SNX29: variants seen among roughly 807,000 people sequenced by gnomAD.
SNX29 encodes the protein sorting nexin-29.
SNX29 carries 78 observed loss-of-function variants against 102.1 expected under a neutral mutation model. The observed-to-expected ratio is 0.76, with a 90% CI of 0.64 to 0.92. The LOEUF (loss-of-function observed/expected upper bound fraction) is 0.92, where lower values mean the gene tolerates loss of function less well. Ranked by LOEUF, SNX29 falls within the 40% of genes least tolerant of loss-of-function variation. SNX29 has a pLI of 0.00. For synonymous variants in SNX29, 580 were observed against 414.5 expected (o/e 1.40, Z -4.85); for missense variants, 1,280 against 1,061.7 (o/e 1.21, Z -2.86).
intron 20 of SNX29, among the ~76,000 whole-genome samples, chr16:12,535,395 C>G (rs1056041205): frequency 4.6e-5 from 7 of 152,222 alleles, no homozygotes; most frequent in African/African-American, 1.7e-4. Flanking sequence ...CTCGGCCTCC[C>G]AAAGTGCTGG....
intron 10 of SNX29, among the ~76,000 whole-genome samples, chr16:12,075,148 CCTT>C (rs2051489830): frequency 6.6e-6 from 1 of 152,214 alleles, no homozygotes; most frequent in East Asian, 1.9e-4. Flanking sequence ...TCATCTGAAG[CCTT>C]CTTCTCTCAA....
chr16:12,157,992 A>C (rs932781518), intron 13 of SNX29, among the ~76,000 whole-genome samples: 5 of 152,014 alleles, frequency 3.3e-5, no homozygotes, highest in Non-Finnish European at 7.4e-5. Flanking sequence ...ATTATAATTC[A>C]CATTACATCA....
chr16:12,537,658 C>G (rs959961630), intron 20 of SNX29, among the ~76,000 whole-genome samples: 4 of 152,162 alleles, frequency 2.6e-5, no homozygotes, highest in Non-Finnish European at 5.9e-5. Context: ...GTTGTTTGCC[C>G]TACTTCATGT....
chr16:12,042,559 T>C (rs919607919), intron 4 of SNX29, among the ~76,000 whole-genome samples: 2 of 152,192 alleles, frequency 1.3e-5, no homozygotes, highest in African/African-American at 2.4e-5. Context: ...GAGCTTCCAT[T>C]TATAAGTGAG....
In SNX29 at chr16:12,068,985, T is replaced by C. The variant is rs984573428; in HGVS notation, c.1244-72T>C. 1.8e-5 allele frequency: 25 copies of C among 1,427,740 alleles called. No homozygotes were observed. In the African/African-American group the frequency reaches 2.6e-4, roughly 15 times the overall value. 88.4% of individuals were successfully genotyped at this position (1,427,740 alleles called of 1,614,324 possible). A position where few individuals can be genotyped will look rare whatever the true frequency, so the allele number is the denominator to read the frequency against. On this transcript the variant is annotated intron_variant, in intron 9 of 20. Coordinates refer to ENST00000566228, the MANE Select transcript of SNX29 (RefSeq NM_032167.5). The stretch of plus-strand genomic sequence containing the variant: ...TGTAGCAGATGAGCCAATGTCTGCA[T>C]TGTGTCTTTGTCTTATGGAGAACAT...
At chr16:12,110,090 G>C (rs941664231) in intron 11 of SNX29, among the ~76,000 whole-genome samples, 1 of 152,090 alleles carries the variant, frequency 6.6e-6, no homozygotes, top group Non-Finnish European at 1.5e-5. Flanking sequence ...AAGTGAATAC[G>C]GAGGCTCCGA....
rs1192795717 is a variant in SNX29 at position 12,571,829 on chromosome 16, C to G, written c.*3200C>G. On this transcript the variant is annotated 3_prime_UTR_variant, in exon 21 of 21. Coordinates refer to ENST00000566228, the MANE Select transcript of SNX29 (RefSeq NM_032167.5). Reference sequence around the variant, plus strand: ...GAAATTCCAGCTTCTTTGATTCCCACTTAGCAGTATGCTCCAATCACGTTG... The same window carrying G: ...GAAATTCCAGCTTCTTTGATTCCCAGTTAGCAGTATGCTCCAATCACGTTG... The G allele has an allele frequency of 7.7e-6, 8 of 1,043,928 alleles. No individual in the cohort carries two copies. The African/African-American group carries it at 1.2e-4, about 15-fold the overall frequency. 64.7% of individuals were successfully genotyped at this position (1,043,928 alleles called of 1,614,324 possible). A position where few individuals can be genotyped will look rare whatever the true frequency, so the allele number is the denominator to read the frequency against.
intron 17 of SNX29, among the ~76,000 whole-genome samples, chr16:12,401,871 A>T (rs1280224221): frequency 6.6e-6 from 1 of 152,212 alleles, no homozygotes; most frequent in African/African-American, 2.4e-5. Context: ...TCACTTAAAC[A>T]ATCAATTTCT....
chr16:12,463,140 C>T (rs543682934), intron 18 of SNX29, among the ~76,000 whole-genome samples: 4 of 152,324 alleles, frequency 2.6e-5, no homozygotes, highest in Admixed American at 2.0e-4. Context: ...GCACTGCTGC[C>T]CGTCAGCGGT....
intron 16 of SNX29, among the ~76,000 whole-genome samples, chr16:12,384,514 A>G (rs57472888): frequency 0.1 from 15,884 of 152,224 alleles, 943 homozygotes; most frequent in South Asian, 0.25. Flanking sequence ...TTGTATGTCT[A>G]CTTTTGAGAA....
In SNX29 at chr16:12,013,500, AAT is replaced by A. The variant is rs66491414; in HGVS notation, c.122+10498_122+10499del. 4.4e-3 allele frequency among the ~76,000 whole-genome samples: 140 copies of A among 31,596 alleles called. 2 individuals are homozygous for A. The highest frequency in any genetic ancestry group is 5.1e-3 in the African/African-American group (52 of 10,198). 20.7% of individuals were successfully genotyped at this position (31,596 alleles called of 152,430 possible). A position where few individuals can be genotyped will look rare whatever the true frequency, so the allele number is the denominator to read the frequency against. On this transcript the variant is annotated intron_variant, in intron 3 of 20. Transcript: ENST00000566228. ...GTCTCTACTGGGGGAAAAAAAAAAA[AAT>A]ATATATATATATATATATATATATA... is the stretch of plus-strand genomic sequence containing the variant.
At chr16:12,554,551 T>G (rs1171476299) in intron 20 of SNX29, among the ~76,000 whole-genome samples, 1 of 152,184 alleles carries the variant, frequency 6.6e-6, no homozygotes, top group South Asian at 2.1e-4. Flanking sequence ...TTTGTGAACT[T>G]GTTCAACAAT....
At chr16:12,466,213 T>C (rs1312587603) in intron 18 of SNX29, among the ~76,000 whole-genome samples, 2 of 152,194 alleles carry the variant, frequency 1.3e-5, no homozygotes, top group African/African-American at 4.8e-5. Flanking sequence ...TTCTCTCTAT[T>C]TGCAGATGAT....
In SNX29 at chr16:12,219,911, C is replaced by T. The variant is rs151197691; in HGVS notation, c.1678+20228C>T. Among the ~76,000 whole-genome samples the T allele has an allele frequency of 2.0e-3, 300 of 152,326 alleles. 2 individuals carry two copies. Among genetic ancestry groups the T allele is most frequent in the Non-Finnish European group, 3.5e-3 (238 of 68,030 alleles). The stretch of plus-strand genomic sequence containing the variant: ...GATCCGGGTACCCCTCACTCCACAG[C>T]CCCCCAGCGCACACACGTGTACACA... On this transcript the variant is annotated intron_variant, in intron 14 of 20. Coordinates refer to ENST00000566228, the MANE Select transcript of SNX29 (RefSeq NM_032167.5).
chr16:12,305,931 C>A (rs951129359), intron 15 of SNX29, among the ~76,000 whole-genome samples: 2 of 152,084 alleles, frequency 1.3e-5, no homozygotes, highest in African/African-American at 4.8e-5. Context: ...GATTCTATTT[C>A]AACAAACTGC....
At chr16:12,026,409 G>A (rs1408228576) in intron 3 of SNX29, among the ~76,000 whole-genome samples, 3 of 152,230 alleles carry the variant, frequency 2.0e-5, no homozygotes, top group Non-Finnish European at 2.9e-5. Flanking sequence ...CATCTCCTCA[G>A]AGCCTAGAAC....
chr16:12,055,675 C>T (rs74446718), intron 8 of SNX29, among the ~76,000 whole-genome samples: 14 of 152,284 alleles, frequency 9.2e-5, no homozygotes, highest in Non-Finnish European at 1.9e-4. Context: ...ATTTCTTCTT[C>T]CTTTGGAAGG....
chr16:12,495,791 C>T (rs1037385709), intron 19 of SNX29, among the ~76,000 whole-genome samples: 2 of 152,108 alleles, frequency 1.3e-5, no homozygotes, highest in East Asian at 1.9e-4. Context: ...TGGTGGCTCA[C>T]GCCTGTAATC....
chr16:12,156,964 T>A (rs528039534), intron 13 of SNX29, among the ~76,000 whole-genome samples: 1 of 152,256 alleles, frequency 6.6e-6, no homozygotes, highest in African/African-American at 2.4e-5. Context: ...TAGTCGTGTT[T>A]CTCCTGGGAG....
Sources: gnomAD v4.1 joint callset for allele counts (sites outside exome capture counted in the v4.1 genomes callset) on GRCh38, gnomAD v4.1.1 for gene constraint, MANE v1.5 for transcripts, NCBI Gene and HGNC (gene_info 2026-07-23, HGNC 2026-07-21) for gene names.